CTNNA3: variants seen among roughly 807,000 people sequenced by gnomAD.
The protein encoded by CTNNA3 is catenin alpha 3.
In CTNNA3, 76 loss-of-function variants were observed where a neutral mutation model predicts 95.7. The observed-to-expected ratio is 0.79, with a 90% CI of 0.66 to 0.96. The LOEUF is 0.96. Among genes scored for constraint, CTNNA3 ranks in the 40% least tolerant of loss-of-function variants. The pLI is 0.00. For synonymous variants in CTNNA3, 431 were observed against 374.4 expected, an observed-to-expected ratio of 1.15 and a Z score of -1.74; for missense variants, 1,191 against 1,089.8, an observed-to-expected ratio of 1.09 and a Z score of -1.31.
chr10:66,544,838 A>G (rs1438639975), intron 10 of CTNNA3, among the ~76,000 whole-genome samples: 1 of 152,144 alleles, frequency 6.6e-6, no homozygotes, highest in Non-Finnish European at 1.5e-5. Flanking sequence ...AAGATAATGC[A>G]TATTGTGTAC....
At chr10:67,251,797 T>C (rs1478289877) in intron 5 of CTNNA3, among the ~76,000 whole-genome samples, 1 of 152,084 alleles carries the variant, frequency 6.6e-6, no homozygotes, top group African/African-American at 2.4e-5. Context: ...AGTAAGGAAT[T>C]CAAGATTTGA....
intron 7 of CTNNA3, among the ~76,000 whole-genome samples, chr10:66,947,605 A>G (rs527688028): frequency 1.0e-3 from 156 of 152,294 alleles, no homozygotes; most frequent in Non-Finnish European, 1.8e-3. Context: ...CCAGAGACTA[A>G]TAAGTTTCTA....
intron 3 of CTNNA3, among the ~76,000 whole-genome samples, chr10:67,602,883 TA>T (rs1265524002): frequency 6.6e-5 from 10 of 152,228 alleles, no homozygotes; most frequent in Non-Finnish European, 1.2e-4. Flanking sequence ...TAATTTTCCG[TA>T]AAAGCAAAGA....
intron 1 of CTNNA3, among the ~76,000 whole-genome samples, chr10:67,694,555 A>T (rs1195489734): frequency 6.6e-6 from 1 of 152,182 alleles, no homozygotes; most frequent in Non-Finnish European, 1.5e-5. Context: ...ATACACAAAG[A>T]TGTTTACCAT....
intron 9 of CTNNA3, among the ~76,000 whole-genome samples, chr10:66,728,098 G>C (rs1319580187): frequency 6.6e-6 from 1 of 152,118 alleles, no homozygotes; most frequent in Non-Finnish European, 1.5e-5. Context: ...TATTAACAAA[G>C]TCCTTAGCTA....
intron 17 of CTNNA3, among the ~76,000 whole-genome samples, chr10:65,944,168 T>C (rs2077474900): frequency 6.6e-6 from 1 of 152,262 alleles, no homozygotes; most frequent in East Asian, 1.9e-4. Context: ...ACAATTTTTC[T>C]CGGCTTTCAA....
At chr10:67,745,651 A>G (rs1313190288) in intron 1 of CTNNA3, among the ~76,000 whole-genome samples, 6 of 152,294 alleles carry the variant, frequency 3.9e-5, no homozygotes, top group Admixed American at 6.5e-5. Context: ...CCTAAAACTT[A>G]AAGTATAATA....
At chr10:66,393,000 G>A (rs1215483562) in intron 11 of CTNNA3, among the ~76,000 whole-genome samples, 2 of 152,084 alleles carry the variant, frequency 1.3e-5, no homozygotes, top group East Asian at 3.9e-4. Context: ...TAACCAACAT[G>A]TTCTTCAGTA....
chr10:66,289,724 T>A (rs2091647770), intron 12 of CTNNA3, among the ~76,000 whole-genome samples: 2 of 152,054 alleles, frequency 1.3e-5, no homozygotes, highest in African/African-American at 4.8e-5. Context: ...AATTTCCACA[T>A]GTTGGTTTAC....
At chr10:66,590,045 G>C (rs1843495845) in intron 10 of CTNNA3, among the ~76,000 whole-genome samples, 1 of 152,038 alleles carries the variant, frequency 6.6e-6, no homozygotes, top group African/African-American at 2.4e-5. Context: ...AATATGTTTA[G>C]ATAATATTGA....
At chr10:66,056,902 A>T (rs79522823) in intron 15 of CTNNA3, among the ~76,000 whole-genome samples, 3,140 of 152,256 alleles carry the variant, frequency 0.021, 102 homozygotes, top group African/African-American at 0.072. Flanking sequence ...TGGAAATTAA[A>T]CCACAGCTTA....
At chr10:66,426,897 T>C (rs2093247051) in intron 11 of CTNNA3, among the ~76,000 whole-genome samples, 1 of 151,834 alleles carries the variant, frequency 6.6e-6, no homozygotes. Context: ...CTTTATTTTT[T>C]CATATATATT....
At chr10:66,276,404 A>G (rs1047418590) in intron 13 of CTNNA3, among the ~76,000 whole-genome samples, 2 of 152,056 alleles carry the variant, frequency 1.3e-5, no homozygotes, top group Non-Finnish European at 2.9e-5. Context: ...CTCTCTCTCA[A>G]TTCAATTATG....
chr10:66,530,166 A>G (rs1333529941), intron 10 of CTNNA3, among the ~76,000 whole-genome samples: 1 of 152,184 alleles, frequency 6.6e-6, no homozygotes, highest in East Asian at 1.9e-4. Context: ...TAACAAAAGC[A>G]CTTTGTGGAT....
intron 11 of CTNNA3, among the ~76,000 whole-genome samples, chr10:66,518,298 C>T (rs986944666): frequency 1.3e-5 from 2 of 152,130 alleles, no homozygotes; most frequent in Non-Finnish European, 2.9e-5. Context: ...CAGCTCTAAT[C>T]ATGCAAAGAT....
chr10:67,461,776 T>C (rs1847389696), intron 5 of CTNNA3, among the ~76,000 whole-genome samples: 1 of 152,224 alleles, frequency 6.6e-6, no homozygotes, highest in East Asian at 1.9e-4. Context: ...TCATTGGCCA[T>C]TCTGTCTTAA....
At chr10:66,773,318 C>A (rs912925884) in intron 8 of CTNNA3, among the ~76,000 whole-genome samples, 1 of 152,120 alleles carries the variant, frequency 6.6e-6, no homozygotes, top group Non-Finnish European at 1.5e-5. Flanking sequence ...TTTTTACTTA[C>A]AGATTATAGA....
intron 9 of CTNNA3, among the ~76,000 whole-genome samples, chr10:66,646,535 G>A (rs775824626): frequency 1.2e-4 from 18 of 151,936 alleles, no homozygotes; most frequent in African/African-American, 3.1e-4. Context: ...ATCTTTTGTT[G>A]GTAATCTGCT....
intron 7 of CTNNA3, chr10:67,098,583 A>T (rs1481728012): frequency 1.3e-5 from 2 of 152,344 alleles, no homozygotes; most frequent in African/African-American, 4.8e-5. Flanking sequence ...ATATTTCCGA[A>T]TGAATGACTC....
Sources: allele counts gnomAD v4.1 joint callset (sites outside exome capture counted in the v4.1 genomes callset), GRCh38; gene constraint gnomAD v4.1.1; transcripts MANE v1.5; gene names NCBI Gene and HGNC (gene_info 2026-07-23, HGNC 2026-07-21).